Variants in CADPS2 observed in about 807,000 individuals in gnomAD.
CADPS2 encodes the protein calcium-dependent secretion activator 2.
Under a neutral mutation model 172.5 loss-of-function variants are expected in CADPS2, and 93 were observed. That is an observed-to-expected ratio of 0.54 (90% CI 0.46 to 0.64). The LOEUF is 0.64. Ranked by LOEUF, CADPS2 falls within the 30% of genes least tolerant of loss-of-function variation. CADPS2 has a pLI of 0.00. For missense variants in CADPS2, 1,420 were observed against 1,565.9 expected, an observed-to-expected ratio of 0.91 and a Z score of 1.57; for synonymous variants, 546 against 555.2, an observed-to-expected ratio of 0.98 and a Z score of 0.23.
chr7:122,769,952 G>C (rs1166490979), intron 1 of CADPS2, among the ~76,000 whole-genome samples: 1 of 152,052 alleles, frequency 6.6e-6, no homozygotes, highest in East Asian at 1.9e-4. Flanking sequence ...ACTTTCTATG[G>C]GTCAAGTATT....
intron 1 of CADPS2, among the ~76,000 whole-genome samples, chr7:122,751,641 A>G (rs1406368585): frequency 6.6e-6 from 1 of 152,170 alleles, no homozygotes; most frequent in Non-Finnish European, 1.5e-5. Context: ...CGGCACATAC[A>G]AGTCTCCACA....
At chr7:122,635,500 A>G (rs948890182) in intron 3 of CADPS2, among the ~76,000 whole-genome samples, 4 of 149,402 alleles carry the variant, frequency 2.7e-5, no homozygotes, top group African/African-American at 9.9e-5. Context: ...TCATTGTTCA[A>G]TTCCCACCTA....
intron 24 of CADPS2, chr7:122,382,292 A>G (rs188419124): frequency 2.6e-5 from 4 of 152,308 alleles, no homozygotes; most frequent in African/African-American, 9.6e-5. Context: ...AAATATGTCA[A>G]TAAATGTAAT....
intron 1 of CADPS2, among the ~76,000 whole-genome samples, chr7:122,761,016 CTGTA>C (rs1364757248): frequency 6.6e-6 from 1 of 152,122 alleles, no homozygotes; most frequent in Non-Finnish European, 1.5e-5. Flanking sequence ...ACTTCTGGCA[CTGTA>C]TGGGTAAAAG....
chr7:122,860,476 TCTC>T (rs1816656317), intron 1 of CADPS2, among the ~76,000 whole-genome samples: 1 of 151,924 alleles, frequency 6.6e-6, no homozygotes, highest in African/African-American at 2.4e-5. Flanking sequence ...CTCAAGCAAT[TCTC>T]CTGTCATCCT....
intron 2 of CADPS2, among the ~76,000 whole-genome samples, chr7:122,664,975 T>C (rs1337547416): frequency 6.6e-6 from 1 of 151,144 alleles, no homozygotes; most frequent in Non-Finnish European, 1.5e-5. Flanking sequence ...TTTTTTTTTT[T>C]TTTTGTAGAT....
intron 2 of CADPS2, among the ~76,000 whole-genome samples, chr7:122,687,149 G>A (rs1053082587): frequency 5.9e-5 from 9 of 152,164 alleles, no homozygotes; most frequent in African/African-American, 2.2e-4. Context: ...TCCAATATCA[G>A]TACTTCCTAA....
intron 1 of CADPS2, among the ~76,000 whole-genome samples, chr7:122,804,616 T>G (rs1211355731): frequency 3.9e-5 from 6 of 152,212 alleles, no homozygotes; most frequent in African/African-American, 1.4e-4. Flanking sequence ...AAGCCTTTCT[T>G]AAACTGCGGA....
intron 9 of CADPS2, among the ~76,000 whole-genome samples, chr7:122,510,957 G>A (rs1260097343): frequency 6.6e-6 from 1 of 151,986 alleles, no homozygotes; most frequent in East Asian, 1.9e-4. Flanking sequence ...AGTTCATTTG[G>A]GCATGGAATT....
chr7:122,388,811 C>A, intron 22 of CADPS2, 73 bp from the exon 23 acceptor site: 2 of 1,319,184 alleles, frequency 1.5e-6, no homozygotes, highest in Non-Finnish European at 2.0e-6. Flanking sequence ...ATTGTTTTTT[C>A]TTTTCTGCAT....
chr7:122,386,313 G>C, intron 24 of CADPS2: 1 of 1,435,434 alleles, frequency 7.0e-7, no homozygotes, highest in African/African-American at 1.4e-5. Flanking sequence ...TACCAAACTG[G>C]ATCATGCCAT....
chr7:122,477,552 A>C (rs1303296453), intron 12 of CADPS2, among the ~76,000 whole-genome samples: 2 of 151,880 alleles, frequency 1.3e-5, no homozygotes, highest in Non-Finnish European at 1.5e-5. Flanking sequence ...CCAAAAAAAA[A>C]AAAACAAAAA....
chr7:122,865,559 C>T (rs1430196135), intron 1 of CADPS2, among the ~76,000 whole-genome samples: 1 of 152,186 alleles, frequency 6.6e-6, no homozygotes, highest in Non-Finnish European at 1.5e-5. Flanking sequence ...TGGCTTGTAT[C>T]TGACTTCTGT....
intron 6 of CADPS2, among the ~76,000 whole-genome samples, chr7:122,595,807 G>A (rs1440648028): frequency 6.6e-6 from 1 of 152,054 alleles, no homozygotes; most frequent in African/African-American, 2.4e-5. Flanking sequence ...AAACATCCCA[G>A]ATGCCAGAGA....
intron 1 of CADPS2, among the ~76,000 whole-genome samples, chr7:122,875,156 C>T (rs1370179529): frequency 6.6e-6 from 1 of 152,198 alleles, no homozygotes; most frequent in East Asian, 1.9e-4. Flanking sequence ...CAGATGTGTA[C>T]ATACGTGTTT....
chr7:122,346,680 A>G (rs2037710750), intron 27 of CADPS2, among the ~76,000 whole-genome samples: 1 of 152,198 alleles, frequency 6.6e-6, no homozygotes, highest in South Asian at 2.1e-4. Flanking sequence ...TGGATTAAAT[A>G]CCTTTCCAAA....
intron 2 of CADPS2, among the ~76,000 whole-genome samples, chr7:122,681,046 G>A (rs370769353): frequency 2.7e-5 from 4 of 148,926 alleles, no homozygotes; most frequent in Non-Finnish European, 3.0e-5. Flanking sequence ...ACCAAACACC[G>A]CATATTCTCA....
chr7:122,836,471 T>C (rs951085935), intron 1 of CADPS2, among the ~76,000 whole-genome samples: 3 of 152,048 alleles, frequency 2.0e-5, no homozygotes, highest in East Asian at 3.9e-4. Context: ...TCCAATTAAA[T>C]GACACAGACT....
At chr7:122,659,326 A>AC (rs1554699183) in intron 3 of CADPS2, among the ~76,000 whole-genome samples, 2 of 150,756 alleles carry the variant, frequency 1.3e-5, no homozygotes, top group African/African-American at 4.9e-5. Context: ...AAAAAAAAAA[A>AC]CACCGTGGAA....
Sources: allele counts gnomAD v4.1 joint callset (sites outside exome capture counted in the v4.1 genomes callset), GRCh38; gene constraint gnomAD v4.1.1; transcripts MANE v1.5; gene names NCBI Gene and HGNC (gene_info 2026-07-23, HGNC 2026-07-21).